SNX6: variants seen among roughly 807,000 people sequenced by gnomAD.
SNX6 encodes sorting nexin-6.
SNX6 carries 34 observed loss-of-function variants against 63.0 expected under a neutral mutation model. The observed-to-expected ratio is 0.54, with a 90% CI of 0.41 to 0.72. SNX6 has a LOEUF of 0.72. Ranked by LOEUF, SNX6 falls within the 30% of genes least tolerant of loss-of-function variation. SNX6 has a pLI of 0.00. For synonymous variants in SNX6, 170 were observed against 164.2 expected (o/e 1.04, Z -0.27); for missense variants, 398 against 471.4 (o/e 0.84, Z 1.44).
chr14:34,629,113 T>A (rs1162735563), intron 2 of SNX6, among the ~76,000 whole-genome samples: 1 of 149,072 alleles, frequency 6.7e-6, no homozygotes, highest in Non-Finnish European at 1.5e-5. Context: ...ATACTTGAAA[T>A]TTGCTTAGAT....
chr14:34,585,966 G>A (rs2138303857), intron 9 of SNX6, among the ~76,000 whole-genome samples: 1 of 151,662 alleles, frequency 6.6e-6, no homozygotes, highest in East Asian at 1.9e-4. Flanking sequence ...GTGCAAAGGT[G>A]GAATCTCAGC....
intron 9 of SNX6, among the ~76,000 whole-genome samples, chr14:34,584,743 G>A (rs1033809379): frequency 1.5e-4 from 22 of 150,322 alleles, no homozygotes; most frequent in Non-Finnish European, 2.2e-4. Flanking sequence ...AGTTGGGGAG[G>A]AAGAAAAAAA....
chr14:34,575,357 T>C (rs1205769782), intron 11 of SNX6, among the ~76,000 whole-genome samples: 1 of 152,110 alleles, frequency 6.6e-6, no homozygotes, highest in African/African-American at 2.4e-5. Context: ...CCCGCCACCA[T>C]GCCAGCTAAT....
At chr14:34,603,592 A>T (rs1423074091) in intron 5 of SNX6, 121 bp from the exon 6 acceptor site, 2 of 784,198 alleles carry the variant, frequency 2.6e-6, no homozygotes, top group African/African-American at 3.6e-5. Context: ...ATACAAAGAT[A>T]TAATTCATGT....
Position 34,630,095 on chromosome 14 carries a change from C to G in SNX6, c.6+16G>C. Reference sequence around the variant, plus strand: ...CCACCGCGCTCCCGGGACTCGGCGCCGCGGAGAACACCCACCATCATGGCT... The same window carrying G: ...CCACCGCGCTCCCGGGACTCGGCGCGGCGGAGAACACCCACCATCATGGCT... On this transcript the variant is annotated intron_variant, in intron 1 of 13. Coordinates refer to ENST00000362031, the MANE Select transcript of SNX6 (RefSeq NM_152233.4). 6 of 1,447,232 alleles carry G rather than the reference C, an allele frequency of 4.1e-6. No homozygotes were observed. Among genetic ancestry groups the G allele is most frequent in the Middle Eastern group, 2.4e-4 (1 of 4,154 alleles). The allele number at this position is 1,447,232 out of a possible 1,614,324, so 89.6% of individuals were successfully genotyped here. A position where few individuals can be genotyped will look rare whatever the true frequency, so the allele number is the denominator to read the frequency against.
At chr14:34,582,974 G>T (rs1394390578) in intron 9 of SNX6, among the ~76,000 whole-genome samples, 2 of 151,866 alleles carry the variant, frequency 1.3e-5, no homozygotes, top group East Asian at 3.9e-4. Context: ...AATTAGTGGG[G>T]CACGATGGTG....
At chr14:34,606,445 C>T (rs533586103) in intron 4 of SNX6, among the ~76,000 whole-genome samples, 2 of 113,562 alleles carry the variant, frequency 1.8e-5, no homozygotes, top group Non-Finnish European at 3.5e-5. Context: ...AAGACACTTC[C>T]AACTCTTCTT....
At chr14:34,624,568 A>C (rs71420000) in intron 2 of SNX6, among the ~76,000 whole-genome samples, 2 of 151,164 alleles carry the variant, frequency 1.3e-5, no homozygotes, top group African/African-American at 4.9e-5. Context: ...GAGGCTGAGG[A>C]GGGTGGATCA....
At position 34,615,369 on chromosome 14, in the gene SNX6, ACAC is replaced by A. The variant is rs1359105624; in HGVS notation, c.55-5630_55-5628del. ...CCTAAGCAATTGGGACCACAGGTGTACACCACCACATCTGGCTAATTATTATTA... is the reference window on the plus strand; with the variant it reads ...CCTAAGCAATTGGGACCACAGGTGTACACCACATCTGGCTAATTATTATTA... On this transcript the variant is annotated intron_variant, in intron 2 of 13. Coordinates refer to ENST00000362031, the MANE Select transcript of SNX6 (RefSeq NM_152233.4). Among the ~76,000 whole-genome samples the A allele has an allele frequency of 7.2e-5, 11 of 152,216 alleles. No homozygotes were observed. The South Asian group carries it at 1.9e-3, about 26-fold the overall frequency.
intron 7 of SNX6, among the ~76,000 whole-genome samples, chr14:34,593,519 C>T (rs145651444): frequency 0.021 from 3,144 of 151,338 alleles, 104 homozygotes; most frequent in African/African-American, 0.068. Context: ...CCTGCCTCAG[C>T]GTCCCAATAG....
intron 8 of SNX6, among the ~76,000 whole-genome samples, chr14:34,592,158 C>A (rs547332785): frequency 6.6e-6 from 1 of 152,076 alleles, no homozygotes; most frequent in Non-Finnish European, 1.5e-5. Flanking sequence ...AAGGCCAAGG[C>A]GGGTGGATCA....
rs1270815792 is a variant in SNX6, at chr14:34,567,877, T to C, written c.1058A>G (p.Lys353Arg). ...SQQLCCQKFE[K>R]ISESAKQELI... is the part of the protein sequence containing the mutation. Reference sequence around the variant, plus strand: ...ACCTTGTTTTGCAGACTCAGATATTTTTTCAAATTTCTGACAACATAATTG... The same window carrying C: ...ACCTTGTTTTGCAGACTCAGATATTCTTTCAAATTTCTGACAACATAATTG... The change falls in exon 12 of 14, where the codon AAA becomes AGA. Residue 353 changes from lysine (K) to arginine (R), a missense_variant. Physicochemically the swap from Lys to Arg is conservative, Grantham distance 26 (BLOSUM62 2). Coordinates refer to ENST00000362031, the MANE Select transcript of SNX6 (RefSeq NM_152233.4). The C allele has an allele frequency of 1.2e-6, 2 of 1,614,126 alleles. No homozygotes were observed. The highest frequency in any genetic ancestry group is 3.3e-5 in the Admixed American group (2 of 59,996).
At chr14:34,590,430 C>CAA (rs60755736) in intron 8 of SNX6, among the ~76,000 whole-genome samples, 2,413 of 84,368 alleles carry the variant, frequency 0.029, 67 homozygotes, top group African/African-American at 0.09. Flanking sequence ...GACTTCGTCT[C>CAA]AAAAAAAAAA....
intron 13 of SNX6, among the ~76,000 whole-genome samples, chr14:34,567,269 T>C (rs1594689703): frequency 6.6e-6 from 1 of 151,888 alleles, no homozygotes; most frequent in African/African-American, 2.4e-5. Flanking sequence ...GGAGGATCAT[T>C]TGAGGACGGG....
At chr14:34,616,980 G>A (rs1412200584) in intron 2 of SNX6, among the ~76,000 whole-genome samples, 1 of 152,102 alleles carries the variant, frequency 6.6e-6, no homozygotes, top group African/African-American at 2.4e-5. Flanking sequence ...TACTCAGGAG[G>A]CTGAGGCAGG....
intron 2 of SNX6, among the ~76,000 whole-genome samples, chr14:34,619,299 G>A (rs965135212): frequency 6.6e-6 from 1 of 152,104 alleles, no homozygotes; most frequent in Non-Finnish European, 1.5e-5. Context: ...GTGCATGCCT[G>A]TAGTCCCTGC....
At chr14:34,623,161 A>G (rs1489572261) in intron 2 of SNX6, among the ~76,000 whole-genome samples, 1 of 152,176 alleles carries the variant, frequency 6.6e-6, no homozygotes, top group African/African-American at 2.4e-5. Context: ...ATGTGAAGTA[A>G]CTATCAATAA....
intron 9 of SNX6, among the ~76,000 whole-genome samples, chr14:34,583,180 G>A (rs900612734): frequency 3.7e-4 from 56 of 152,020 alleles, no homozygotes; most frequent in African/African-American, 1.1e-3. Context: ...GTGGTGGCAC[G>A]CGCCTGTAGT....
At position 34,603,403 on chromosome 14, in the gene SNX6, T is replaced by C; in HGVS notation, c.461A>G (p.His154Arg). 6.2e-7 allele frequency: 1 copy of C among 1,610,690 alleles called. No individual in the cohort carries two copies. The highest frequency in any genetic ancestry group is 8.5e-7 in the Non-Finnish European group (1 of 1,178,172). ...HEVFLCRVAA[H>R]PILRRDLNFH... ...ATTTAAATCTCTTCTCAAAATAGGA[T>C]GTGCTGCCACACGACACAGGAACAC... Residue 154 changes from histidine to arginine, a missense_variant, in exon 6 of 14, where the codon CAT becomes CGT. Coordinates refer to ENST00000362031, the MANE Select transcript of SNX6 (RefSeq NM_152233.4).
Sources: gnomAD v4.1 joint callset for allele counts (sites outside exome capture counted in the v4.1 genomes callset) on GRCh38, gnomAD v4.1.1 for gene constraint, MANE v1.5 for transcripts, NCBI Gene and HGNC (gene_info 2026-07-23, HGNC 2026-07-21) for gene names.